Variants in RELN observed in about 807,000 individuals in gnomAD.
The protein encoded by RELN is reelin.
A neutral mutation model predicts 427.6 loss-of-function variants in RELN; 108 were observed. The observed-to-expected ratio is 0.25, with a 90% CI of 0.22 to 0.30. RELN has a LOEUF of 0.30. RELN is among the 10% of genes least tolerant of loss of function. RELN has a pLI of 1.00. For synonymous variants in RELN, 1,524 were observed against 1,513.4 expected (o/e 1.01, Z -0.16); for missense variants, 3,715 against 4,302.8 (o/e 0.86, Z 3.82).
intron 2 of RELN, among the ~76,000 whole-genome samples, chr7:103,863,008 G>C (rs1259937255): frequency 6.6e-6 from 1 of 152,120 alleles, no homozygotes; most frequent in Admixed American, 6.6e-5. Flanking sequence ...TAGGCAGCTA[G>C]AGCGCTGAAA....
intron 6 of RELN, among the ~76,000 whole-genome samples, chr7:103,731,729 A>G (rs762668329): frequency 5.3e-5 from 8 of 152,134 alleles, no homozygotes; most frequent in Non-Finnish European, 8.8e-5. Flanking sequence ...GTGCCTTGAA[A>G]TAAGGTGGGA....
intron 11 of RELN, 58 bp downstream of exon 11, chr7:103,682,058 G>T: frequency 2.7e-6 from 4 of 1,509,202 alleles, no homozygotes; most frequent in East Asian, 4.5e-5. Context: ...TTTAAAACAC[G>T]TCCAGTAGAA....
At chr7:103,689,852 C>A (rs1304952645) in intron 10 of RELN, among the ~76,000 whole-genome samples, 1 of 152,120 alleles carries the variant, frequency 6.6e-6, no homozygotes, top group East Asian at 1.9e-4. Context: ...TGAAAACTTA[C>A]ATCTAATGTT....
intron 8 of RELN, among the ~76,000 whole-genome samples, chr7:103,707,566 T>G (rs1193218529): frequency 1.3e-5 from 2 of 151,858 alleles, no homozygotes; most frequent in Non-Finnish European, 2.9e-5. Context: ...TGGCGCGATC[T>G]CGGCTCACTG....
intron 11 of RELN, among the ~76,000 whole-genome samples, chr7:103,663,685 C>T (rs1467102585): frequency 6.6e-6 from 1 of 152,166 alleles, no homozygotes; most frequent in African/African-American, 2.4e-5. Context: ...AATCAACTTA[C>T]AGTCATAGCT....
chr7:103,936,105 T>A (rs1303115222), intron 1 of RELN, among the ~76,000 whole-genome samples: 1 of 151,748 alleles, frequency 6.6e-6, no homozygotes, highest in East Asian at 1.9e-4. Flanking sequence ...ATGGCTTTTT[T>A]TTTTTGAGAC....
At chr7:103,702,073 A>G (rs1171870751) in intron 8 of RELN, among the ~76,000 whole-genome samples, 2 of 152,258 alleles carry the variant, frequency 1.3e-5, no homozygotes, top group African/African-American at 2.4e-5. Flanking sequence ...CACAGCCAAA[A>G]TGTAAGTGAA....
intron 2 of RELN, among the ~76,000 whole-genome samples, chr7:103,834,757 C>T (rs1793358984): frequency 6.6e-6 from 1 of 152,124 alleles, no homozygotes; most frequent in Admixed American, 6.6e-5. Context: ...GATACCACTA[C>T]ACACATATTA....
chr7:103,651,694 T>G lies in RELN; in HGVS notation c.1859A>C (p.His620Pro). The change falls in exon 15 of 65, where the codon CAC (histidine) becomes CCC (proline). Residue 620 changes from histidine to proline, a missense_variant. Around this residue, in one of 4 missense-constraint regions of RELN, gnomAD observed 2,208 missense variants for 2,361.7 expected, o/e 0.93. Transcript: ENST00000428762. ...GTTTTCAGAGGAGTAGACAGTGCTG[T>G]GGGGGAGGTGGGGTCCAGCACAGAT... ...PEICAGPHLP[H>P]STVYSSENYS... is the part of the protein sequence containing the mutation. The G allele has an allele frequency of 6.2e-7, 1 of 1,611,714 alleles. No homozygotes were observed. The highest frequency in any genetic ancestry group is 1.1e-5 in the South Asian group (1 of 91,042).
At chr7:103,548,827 C>T (rs750020288) in intron 41 of RELN, among the ~76,000 whole-genome samples, 3 of 152,150 alleles carry the variant, frequency 2.0e-5, no homozygotes, top group Non-Finnish European at 4.4e-5. Context: ...GCGAGGTGGT[C>T]TCTGTGACGC....
intron 2 of RELN, among the ~76,000 whole-genome samples, chr7:103,884,563 A>G (rs1451472120): frequency 1.3e-5 from 2 of 152,232 alleles, no homozygotes; most frequent in African/African-American, 4.8e-5. Flanking sequence ...CAGAATCTAC[A>G]AAGAACTTAA....
chr7:103,906,523 G>A (rs1471288349), intron 2 of RELN, among the ~76,000 whole-genome samples: 1 of 119,124 alleles, frequency 8.4e-6, no homozygotes, highest in Non-Finnish European at 1.9e-5. Context: ...GGTACCTCAG[G>A]CAGCATTCTG....
intron 6 of RELN, among the ~76,000 whole-genome samples, chr7:103,743,357 A>G (rs1384494329): frequency 6.6e-6 from 1 of 152,204 alleles, no homozygotes; most frequent in Non-Finnish European, 1.5e-5. Context: ...GCACCAACTA[A>G]CAAGCAAAAT....
In RELN at chr7:103,558,392, C is replaced by T. The variant is rs148522101; in HGVS notation, c.5530-343G>A. Among the ~76,000 whole-genome samples the T allele has an allele frequency of 2.7e-3, 418 of 152,172 alleles. 1 individual carries two copies. Among genetic ancestry groups the T allele is most frequent in the African/African-American group, 9.7e-3 (402 of 41,498 alleles). On this transcript the variant is annotated intron_variant, in intron 36 of 64. Transcript: ENST00000428762. ...TCACAGCATGTTATGAGAGGAGTAA[C>T]GAGGAAGCAGATGGAAAATGTGCCA...
intron 2 of RELN, among the ~76,000 whole-genome samples, chr7:103,871,098 T>C (rs569733985): frequency 8.9e-4 from 135 of 152,194 alleles, no homozygotes; most frequent in African/African-American, 3.0e-3. Context: ...TTTGGTCCAG[T>C]TTTAAGATTG....
intron 53 of RELN, among the ~76,000 whole-genome samples, chr7:103,498,898 T>A (rs543773157): frequency 6.6e-6 from 1 of 152,304 alleles, no homozygotes; most frequent in East Asian, 1.9e-4. Flanking sequence ...TATTGTAATG[T>A]ATTATATTAT....
intron 8 of RELN, among the ~76,000 whole-genome samples, chr7:103,706,608 G>T (rs1054374540): frequency 1.3e-5 from 2 of 151,826 alleles, no homozygotes; most frequent in Admixed American, 6.6e-5. Flanking sequence ...ACTTCTCCTG[G>T]TGTACAAAAC....
At chr7:103,814,772 A>G (rs1792829598) in intron 3 of RELN, among the ~76,000 whole-genome samples, 1 of 152,056 alleles carries the variant, frequency 6.6e-6, no homozygotes, top group African/African-American at 2.4e-5. Flanking sequence ...TCTGTGACAG[A>G]GCTCACCCCT....
At chr7:103,533,930 G>T (rs551709392) in intron 46 of RELN, among the ~76,000 whole-genome samples, 1 of 151,788 alleles carries the variant, frequency 6.6e-6, no homozygotes, top group South Asian at 2.1e-4. Context: ...TATTAAGATC[G>T]CTTTAATAAT....
Sources: allele counts gnomAD v4.1 joint callset (sites outside exome capture counted in the v4.1 genomes callset), GRCh38; gene constraint gnomAD v4.1.1; regional missense constraint gnomAD v4.1.1; transcripts MANE v1.5; gene names NCBI Gene and HGNC (gene_info 2026-07-23, HGNC 2026-07-21).